The following CEP152 variants were observed in gnomAD, a reference collection of about 807,000 sequenced individuals.
CEP152 encodes the protein centrosomal protein of 152 kDa.
CEP152 carries 132 observed loss-of-function variants against 188.9 expected under a neutral mutation model. The observed-to-expected ratio is 0.70, with a 90% CI of 0.61 to 0.81. The LOEUF (loss-of-function observed/expected upper bound fraction) is 0.81. CEP152 is among the 30% of genes least tolerant of loss of function. CEP152 has a pLI of 0.00. For synonymous variants in CEP152, 649 were observed against 666.6 expected (o/e 0.97, Z 0.41); for missense variants, 1,914 against 1,969.8 (o/e 0.97, Z 0.54).
Position 48,738,427 on chromosome 15 carries a change from A to C in CEP152, c.4955T>G (p.Ile1652Ser). Reference sequence around the variant, plus strand: ...AGATGGGTGTCCACAATTCACACTGATCTTTCCTGGCTCCAAATACGTGGT... The same window carrying C: ...AGATGGGTGTCCACAATTCACACTGCTCTTTCCTGGCTCCAAATACGTGGT... ...EETTYLEPGK[I>S]SVNCGHPSRH... is the part of the protein sequence containing the mutation. Residue 1652 changes from isoleucine (I) to serine (S), a missense_variant, in exon 27 of 27, where the codon ATC (isoleucine) becomes AGC (serine). Transcript: ENST00000380950. The C allele has an allele frequency of 6.2e-7, 1 of 1,614,178 alleles. No individual in the cohort carries two copies. Among genetic ancestry groups the C allele is most frequent in the Non-Finnish European group, 8.5e-7 (1 of 1,180,006 alleles).
chr15:48,776,851 T>C (rs1162783076), intron 12 of CEP152, among the ~76,000 whole-genome samples: 1 of 152,120 alleles, frequency 6.6e-6, no homozygotes, highest in African/African-American at 2.4e-5. Flanking sequence ...TATTTTCTTC[T>C]TTTTTAGTCT....
intron 20 of CEP152, among the ~76,000 whole-genome samples, chr15:48,752,675 A>G (rs916039133): frequency 6.6e-6 from 1 of 152,208 alleles, no homozygotes; most frequent in South Asian, 2.1e-4. Context: ...TTTCCAAATA[A>G]GAACACTGTC....
intron 13 of CEP152, among the ~76,000 whole-genome samples, chr15:48,771,013 G>A (rs923676303): frequency 1.3e-5 from 2 of 152,062 alleles, no homozygotes; most frequent in African/African-American, 4.8e-5. Flanking sequence ...CTCCACCCAG[G>A]AGGAAAAGGA....
At chr15:48,768,107 A>G in intron 15 of CEP152, 112 bp downstream of exon 15, 2 of 725,456 alleles carry the variant, frequency 2.8e-6, no homozygotes, top group Non-Finnish European at 2.5e-6. Context: ...CAAGATCTCA[A>G]CAGGGTAGAA....
rs1896230020 is a variant in CEP152 at position 48,781,358 on chromosome 15, T to A, written c.1415A>T (p.Glu472Val). The stretch of plus-strand genomic sequence containing the variant: ...TTCATCTTTTAGTTCTGTTAATTCT[T>A]CCTACAACACAAAATTATTAAAAAT... The part of the protein sequence containing the change: ...MSANMNKALQ[E>V]ELTELKDEIS... The change falls in exon 12 of 27, where the codon GAA becomes GTA. Residue 472 changes from glutamate to valine, a missense_variant and splice_region_variant. Transcript: ENST00000380950. The A allele has an allele frequency of 6.3e-7, 1 of 1,590,950 alleles. No homozygotes were observed. The highest frequency in any genetic ancestry group is 1.1e-5 in the South Asian group (1 of 90,304).
At chr15:48,760,723 CT>C (rs1187788701) in intron 18 of CEP152, among the ~76,000 whole-genome samples, 1 of 152,094 alleles carries the variant, frequency 6.6e-6, no homozygotes, top group Non-Finnish European at 1.5e-5. Context: ...AACTTTCCTA[CT>C]GTCGAGAATG....
At chr15:48,754,744 G>A (rs1184680641) in intron 20 of CEP152, among the ~76,000 whole-genome samples, 1 of 152,178 alleles carries the variant, frequency 6.6e-6, no homozygotes, top group Non-Finnish European at 1.5e-5. Context: ...AGGCTAAGCT[G>A]TGCCATGCAT....
In CEP152 at chr15:48,791,393, G is replaced by A; in HGVS notation, c.833-17C>T. On this transcript the variant is annotated splice_polypyrimidine_tract_variant and intron_variant, in intron 7 of 26. Transcript: ENST00000380950. ...CCTTTTCATCTACGGTATTAAAAAT[G>A]TTTATATAAATAATGTTCCTGTAGA... The A allele has an allele frequency of 6.2e-7, 1 of 1,605,798 alleles. No homozygotes were observed. Among genetic ancestry groups the A allele is most frequent in the Non-Finnish European group, 8.5e-7 (1 of 1,176,040 alleles).
intron 20 of CEP152, among the ~76,000 whole-genome samples, chr15:48,753,821 T>C (rs973268712): frequency 1.4e-4 from 21 of 152,232 alleles, no homozygotes; most frequent in Non-Finnish European, 1.8e-4. Context: ...TATTTTGATA[T>C]GGCATTCATT....
intron 26 of CEP152, among the ~76,000 whole-genome samples, chr15:48,739,849 T>C (rs1444889432): frequency 6.6e-6 from 1 of 152,242 alleles, no homozygotes; most frequent in Non-Finnish European, 1.5e-5. Flanking sequence ...GATTTGCTTC[T>C]CTACTGGGGA....
Position 48,791,355 on chromosome 15 carries a change from A to C in CEP152, c.854T>G (p.Leu285Arg), listed in dbSNP as rs774315555. ...IIKDEKDGLT[L>R]SLRESQKLFQ... is the part of the protein sequence containing the mutation. ...GAGTTTCTGTGATTCTCGAAGGCTGAGAGTCAAACCATCCTTTTCATCTAC... is the reference window on the plus strand; with the variant it reads ...GAGTTTCTGTGATTCTCGAAGGCTGCGAGTCAAACCATCCTTTTCATCTAC... The change falls in exon 8 of 27, where the codon CTC becomes CGC. Residue 285 changes from leucine (L) to arginine (R), a missense_variant. Physicochemically the swap from Leu to Arg is moderately radical, Grantham distance 102. Coordinates refer to ENST00000380950, the MANE Select transcript of CEP152 (RefSeq NM_001194998.2). The C allele has an allele frequency of 6.2e-7, 1 of 1,612,392 alleles. No individual in the cohort carries two copies. The highest frequency in any genetic ancestry group is 1.1e-5 in the South Asian group (1 of 91,062).
At chr15:48,775,366 C>T (rs1895824217) in intron 12 of CEP152, among the ~76,000 whole-genome samples, 1 of 151,666 alleles carries the variant, frequency 6.6e-6, no homozygotes, top group Non-Finnish European at 1.5e-5. Flanking sequence ...ATCAAAGTAC[C>T]AAAAACTAAA....
chr15:48,752,319 C>T, intron 21 of CEP152, 30 bp downstream of exon 21: 2 of 1,614,022 alleles, frequency 1.2e-6, no homozygotes, highest in Non-Finnish European at 1.7e-6. Context: ...ATGGATGCTA[C>T]AAAGACTGGT....
chr15:48,793,006 G>A (rs747465089), intron 7 of CEP152, among the ~76,000 whole-genome samples: 11 of 152,070 alleles, frequency 7.2e-5, no homozygotes, highest in Non-Finnish European at 1.2e-4. Context: ...ATTTTTAGTA[G>A]AGACAGGGTT....
At chr15:48,781,710 T>G (rs1360127595) in intron 11 of CEP152, among the ~76,000 whole-genome samples, 2 of 152,160 alleles carry the variant, frequency 1.3e-5, no homozygotes, top group African/African-American at 4.8e-5. Flanking sequence ...AAGAACAGGT[T>G]GTACTTTAGC....
intron 26 of CEP152, chr15:48,741,275 G>A (rs529669819): frequency 1.7e-6 from 2 of 1,177,862 alleles, no homozygotes; most frequent in East Asian, 1.2e-4. Context: ...GATTACAGGT[G>A]TGAGCCATGA....
At chr15:48,793,085 G>A (rs931446362) in intron 7 of CEP152, among the ~76,000 whole-genome samples, 1 of 152,132 alleles carries the variant, frequency 6.6e-6, no homozygotes, top group Non-Finnish European at 1.5e-5. Flanking sequence ...GCCTCCCAAA[G>A]TGCTGGGATT....
In CEP152 at chr15:48,742,011, G is replaced by T; in HGVS notation, c.3925C>A (p.Arg1309=). 2 of 1,613,968 alleles carry T rather than the reference G, an allele frequency of 1.2e-6. No homozygotes were observed. Among genetic ancestry groups the T allele is most frequent in the Non-Finnish European group, 8.5e-7 (1 of 1,180,008 alleles). ...ATCAAATAATATTTGCGCATCTTTC[G>T]GGCGGTTTCTTGACGTTCTCGCAGT... The part of the protein sequence containing the change: ...EVLRERQETA[R]KMRKYYLICL... The change falls in exon 25 of 27, where the codon CGA becomes AGA. Residue 1309 remains arginine (R), a synonymous_variant. Transcript: ENST00000380950.
intron 9 of CEP152, 96 bp downstream of exon 9, chr15:48,788,705 T>A: frequency 2.5e-6 from 3 of 1,179,340 alleles, no homozygotes; most frequent in Non-Finnish European, 3.8e-6. Flanking sequence ...ACTACAAACA[T>A]CCAAGACTTC....
Sources: allele counts gnomAD v4.1 joint callset (sites outside exome capture counted in the v4.1 genomes callset), GRCh38; gene constraint gnomAD v4.1.1; transcripts MANE v1.5; gene names NCBI Gene and HGNC (gene_info 2026-07-23, HGNC 2026-07-21).